OR52N2: variants seen among roughly 807,000 people sequenced by gnomAD.
OR52N2 encodes the protein olfactory receptor family 52 subfamily N member 2, also known as olfactory receptor 52N2.
For synonymous variants in OR52N2, 129 were observed against 72.0 expected (o/e 1.79, Z -4.01); for missense variants, 326 against 196.6 (o/e 1.66, Z -3.94).
At chr11:5,809,379 A>C (rs2134239058) in intron 1 of OR52N2, among the ~76,000 whole-genome samples, 1 of 152,226 alleles carries the variant, frequency 6.6e-6, no homozygotes, top group East Asian at 1.9e-4. Context: ...CAGATTGGCT[A>C]CTTGCAAATA....
chr11:5,814,925 T>A (rs1361726526), intron 1 of OR52N2, among the ~76,000 whole-genome samples: 1 of 152,152 alleles, frequency 6.6e-6, no homozygotes, highest in Non-Finnish European at 1.5e-5. Flanking sequence ...CTCACATATG[T>A]GGTAAAGTTA....
At chr11:5,816,810 C>T (rs1400200919) in intron 1 of OR52N2, among the ~76,000 whole-genome samples, 5 of 152,172 alleles carry the variant, frequency 3.3e-5, no homozygotes. Flanking sequence ...GCCACTGCGC[C>T]TGACCTCCTG....
intron 1 of OR52N2, among the ~76,000 whole-genome samples, chr11:5,810,224 A>G (rs1481135826): frequency 6.6e-6 from 1 of 152,218 alleles, no homozygotes; most frequent in African/African-American, 2.4e-5. Flanking sequence ...GTATGTGTCT[A>G]TGCTAGGGAC....
At chr11:5,813,813 T>C (rs1048884376) in intron 1 of OR52N2, among the ~76,000 whole-genome samples, 10 of 152,076 alleles carry the variant, frequency 6.6e-5, no homozygotes, top group Non-Finnish European at 7.4e-5. Context: ...AGTAAAAGGA[T>C]CATTCACCAT....
chr11:5,819,898 T>C (rs538750355), intron 1 of OR52N2, among the ~76,000 whole-genome samples: 1 of 152,282 alleles, frequency 6.6e-6, no homozygotes, highest in African/African-American at 2.4e-5. Flanking sequence ...ATTATACCCA[T>C]GTGATTTCAG....
At position 5,821,431 on chromosome 11, in the gene OR52N2, CTAAAA is replaced by C. The variant is rs1846454281; in HGVS notation, c.*136_*140del. ...CCATGTAACAAACTTGCACGTGTAC[CTAAAA>C]TAAAAATAGAAATAAAAAATCAAAA... On this transcript the variant is annotated 3_prime_UTR_variant, in exon 2 of 2. Coordinates refer to ENST00000317037, the MANE Select transcript of OR52N2 (RefSeq NM_001005174.3). 4 of 570,314 alleles carry C rather than the reference CTAAAA, an allele frequency of 7.0e-6. No individual in the cohort carries two copies. Among genetic ancestry groups the C allele is most frequent in the Non-Finnish European group, 1.2e-5 (4 of 322,560 alleles). The allele number at this position is 570,314 out of a possible 1,614,324, so 35.3% of individuals were successfully genotyped here.
intron 1 of OR52N2, among the ~76,000 whole-genome samples, chr11:5,814,376 G>GA (rs1259657101): frequency 6.6e-6 from 1 of 151,156 alleles, no homozygotes; most frequent in African/African-American, 2.4e-5. Flanking sequence ...AAGAAATTTA[G>GA]AAAAAACAAT....
intron 1 of OR52N2, among the ~76,000 whole-genome samples, chr11:5,816,322 G>A (rs1158016669): frequency 2.0e-5 from 3 of 152,208 alleles, no homozygotes; most frequent in South Asian, 4.2e-4. Context: ...TGATTAAGAT[G>A]GCAAACTTTG....
intron 1 of OR52N2, among the ~76,000 whole-genome samples, chr11:5,809,986 T>A (rs1846344086): frequency 2.0e-5 from 3 of 152,216 alleles, no homozygotes. Flanking sequence ...TATAATTAAT[T>A]ATTCTACACT....
intron 1 of OR52N2, among the ~76,000 whole-genome samples, chr11:5,814,463 C>T (rs1367930958): frequency 6.6e-6 from 1 of 151,650 alleles, no homozygotes; most frequent in Non-Finnish European, 1.5e-5. Flanking sequence ...ATTTTTAATT[C>T]CATTGTAAAT....
rs1414074357 is a variant in OR52N2, at chr11:5,820,490, G to C, written c.155G>C (p.Ser52Thr). The C allele has an allele frequency of 1.3e-6, 1 of 778,780 alleles. No individual in the cohort carries two copies. The highest frequency in any genetic ancestry group is 2.4e-5 in the East Asian group (1 of 41,234). 48.2% of individuals were successfully genotyped at this position (778,780 alleles called of 1,614,324 possible). ...AACTGTGGGCTCATCTGCCTCATCA[G>C]CCATGAGGAGGCCCTGCACCGGCCC... ...VGNCGLICLI[S>T]HEEALHRPMY... The change falls in exon 2 of 2, where the codon AGC becomes ACC. Residue 52 changes from serine (S) to threonine (T), a missense_variant. Physicochemically the swap from Ser to Thr is moderately conservative, Grantham distance 58. Transcript: ENST00000317037.
chr11:5,821,013 T>C lies in OR52N2; in HGVS notation c.678T>C (p.Ala226=). 1.3e-6 allele frequency: 1 copy of C among 781,084 alleles called. No homozygotes were observed. Among genetic ancestry groups the C allele is most frequent in the Admixed American group, 1.7e-5 (1 of 59,038 alleles). 48.4% of individuals were successfully genotyped at this position (781,084 alleles called of 1,614,324 possible). ...TATCTTACACTATGATTTTGCAGGC[T>C]GTTATGAGCCTGTCATCAGCAGATG... is the stretch of plus-strand genomic sequence containing the variant. The part of the protein sequence containing the change: ...ISVSYTMILQ[A]VMSLSSADAR... Residue 226 remains alanine, a synonymous_variant, in exon 2 of 2, where the codon GCT becomes GCC. Coordinates refer to ENST00000317037, the MANE Select transcript of OR52N2 (RefSeq NM_001005174.3).
At chr11:5,816,375 T>C (rs983922136) in intron 1 of OR52N2, among the ~76,000 whole-genome samples, 18 of 152,204 alleles carry the variant, frequency 1.2e-4, no homozygotes, top group Non-Finnish European at 1.9e-4. Context: ...GAATCGGGCA[T>C]GTCAATAACT....
chr11:5,812,561 T>C (rs1846372619), intron 1 of OR52N2, among the ~76,000 whole-genome samples: 1 of 151,238 alleles, frequency 6.6e-6, no homozygotes, highest in Non-Finnish European at 1.5e-5. Flanking sequence ...TAATTATATA[T>C]TGATACAGAG....
chr11:5,818,537 C>G (rs1046784615), intron 1 of OR52N2, among the ~76,000 whole-genome samples: 4 of 152,064 alleles, frequency 2.6e-5, no homozygotes, highest in African/African-American at 9.7e-5. Context: ...GTGCCTAGCA[C>G]TGAGGTGAGA....
chr11:5,820,258 T>C (rs1846435291), intron 1 of OR52N2, 24 bp from the exon 2 acceptor site: 1 of 728,160 alleles, frequency 1.4e-6, no homozygotes, highest in Non-Finnish European at 2.5e-6. Flanking sequence ...ATCTCGTCTC[T>C]AACTCTCCCT....
At chr11:5,816,085 A>G (rs1159222406) in intron 1 of OR52N2, among the ~76,000 whole-genome samples, 3 of 152,184 alleles carry the variant, frequency 2.0e-5, no homozygotes, top group Non-Finnish European at 4.4e-5. Context: ...AAAGACAAAT[A>G]TCATATGATT....
chr11:5,820,052 G>A (rs1032216746), intron 1 of OR52N2, among the ~76,000 whole-genome samples: 1 of 152,198 alleles, frequency 6.6e-6, no homozygotes, highest in Non-Finnish European at 1.5e-5. Flanking sequence ...GCTGGGGAGA[G>A]GTGTGGTAAG....
At chr11:5,810,149 T>C (rs11039115) in intron 1 of OR52N2, among the ~76,000 whole-genome samples, 16,350 of 152,244 alleles carry the variant, frequency 0.11, 1,102 homozygotes, top group East Asian at 0.25. Flanking sequence ...CCTGCCTGAA[T>C]AGGCCACGCA....
Sources: allele counts gnomAD v4.1 joint callset (sites outside exome capture counted in the v4.1 genomes callset), GRCh38; gene constraint gnomAD v4.1.1; transcripts MANE v1.5; gene names NCBI Gene and HGNC (gene_info 2026-07-23, HGNC 2026-07-21).